NDST3: variants seen among roughly 807,000 people sequenced by gnomAD.
NDST3 encodes bifunctional heparan sulfate N-deacetylase/N-sulfotransferase 3.
In NDST3, 58 loss-of-function variants were observed where a neutral mutation model predicts 96.1. The ratio of observed to expected loss-of-function variants is 0.60; its 90% CI spans 0.49 to 0.75. NDST3 has a LOEUF of 0.75. Among genes scored for constraint, NDST3 ranks in the 30% least tolerant of loss-of-function variants. The probability of loss-of-function intolerance (pLI) is 0.00; values close to 1 mark genes in which losing one functional copy is unlikely to be tolerated. For synonymous variants in NDST3, 333 were observed against 359.7 expected, an observed-to-expected ratio of 0.93 and a Z score of 0.84; for missense variants, 788 against 1,034.2, an observed-to-expected ratio of 0.76 and a Z score of 3.27.
At chr4:118,251,280 C>T (rs1741715628) in intron 12 of NDST3, among the ~76,000 whole-genome samples, 1 of 151,140 alleles carries the variant, frequency 6.6e-6, no homozygotes, top group African/African-American at 2.4e-5. Flanking sequence ...GCGCCTGCCA[C>T]CACGCCCGGC....
intron 4 of NDST3, among the ~76,000 whole-genome samples, chr4:118,134,001 T>G (rs530713098): frequency 6.6e-6 from 1 of 152,356 alleles, no homozygotes; most frequent in South Asian, 2.1e-4. Context: ...AACTGTGCTG[T>G]GTACTATGAA....
intron 12 of NDST3, among the ~76,000 whole-genome samples, chr4:118,247,382 G>C (rs565454330): frequency 6.6e-6 from 1 of 151,966 alleles, no homozygotes; most frequent in African/African-American, 2.4e-5. Flanking sequence ...TGAAACCCCA[G>C]TTCTACTAAA....
intron 6 of NDST3, among the ~76,000 whole-genome samples, chr4:118,209,866 C>T (rs1040354495): frequency 1.3e-5 from 2 of 152,068 alleles, no homozygotes; most frequent in Non-Finnish European, 2.9e-5. Flanking sequence ...GACTAAGGCA[C>T]GAGCCAGGTA....
chr4:118,085,602 G>T (rs1437664104), intron 2 of NDST3, among the ~76,000 whole-genome samples: 1 of 152,056 alleles, frequency 6.6e-6, no homozygotes, highest in East Asian at 1.9e-4. Flanking sequence ...TCCAACCCTT[G>T]TTCAAGTTGA....
chr4:118,066,218 A>AT (rs1560617831), intron 2 of NDST3, among the ~76,000 whole-genome samples: 1 of 62,856 alleles, frequency 1.6e-5, no homozygotes, highest in African/African-American at 7.0e-5. Flanking sequence ...TATTATACAT[A>AT]ATATATTATA....
intron 4 of NDST3, among the ~76,000 whole-genome samples, chr4:118,136,901 T>G (rs1733147496): frequency 6.6e-6 from 1 of 152,182 alleles, no homozygotes; most frequent in Non-Finnish European, 1.5e-5. Context: ...GGACCAAATT[T>G]TGAGGGCCTT....
Position 118,096,514 on chromosome 4 carries a change from C to T in NDST3, c.982-8504C>T, listed in dbSNP as rs572786040. Among the ~76,000 whole-genome samples the T allele has an allele frequency of 2.6e-5, 4 of 151,792 alleles. No homozygotes were observed. The East Asian group carries it at 7.8e-4, about 30-fold the overall frequency. On this transcript the variant is annotated intron_variant, in intron 2 of 13. Transcript: ENST00000296499. ...AAATTAATAAAAATATAAAGCTAAA[C>T]TTTAGAAGCTAAAATTCTGTTGCAT...
intron 2 of NDST3, among the ~76,000 whole-genome samples, chr4:118,058,166 A>G (rs931364363): frequency 2.0e-5 from 3 of 152,024 alleles, no homozygotes; most frequent in Non-Finnish European, 2.9e-5. Context: ...CAAAAGTTAC[A>G]TAAACTGTTA....
chr4:118,210,371 C>T (rs1387053974), intron 6 of NDST3, among the ~76,000 whole-genome samples: 1 of 152,100 alleles, frequency 6.6e-6, no homozygotes, highest in Non-Finnish European at 1.5e-5. Context: ...GAAGAAATAA[C>T]CACATATAAG....
chr4:118,208,328 G>T, intron 6 of NDST3, among the ~76,000 whole-genome samples: 1 of 143,830 alleles, frequency 7.0e-6, no homozygotes. Flanking sequence ...TTTGGCAGTA[G>T]GTGTCCTCTA....
intron 6 of NDST3, among the ~76,000 whole-genome samples, chr4:118,222,530 G>A (rs776073142): frequency 7.2e-4 from 109 of 152,050 alleles, no homozygotes; most frequent in Non-Finnish European, 9.7e-4. Context: ...GGTGACATGC[G>A]TTACAAAAAC....
intron 11 of NDST3, 40 bp from the exon 12 acceptor site, chr4:118,241,999 AT>A (rs1442777984): frequency 7.1e-7 from 1 of 1,399,272 alleles, no homozygotes; most frequent in Non-Finnish European, 1.0e-6. Context: ...TACAGTTTAC[AT>A]GTCTTTTTTC....
intron 6 of NDST3, among the ~76,000 whole-genome samples, chr4:118,200,558 C>T (rs1450412499): frequency 6.6e-6 from 1 of 152,154 alleles, no homozygotes; most frequent in Non-Finnish European, 1.5e-5. Flanking sequence ...TAGGGCCTAC[C>T]TTATATAAAC....
chr4:118,197,845 G>A (rs771617513), intron 6 of NDST3, among the ~76,000 whole-genome samples: 4 of 146,688 alleles, frequency 2.7e-5, no homozygotes, highest in Non-Finnish European at 6.0e-5. Flanking sequence ...CTGTCACCAG[G>A]CTGGAGTACG....
At chr4:118,124,323 T>C (rs1228317671) in intron 4 of NDST3, among the ~76,000 whole-genome samples, 1 of 152,092 alleles carries the variant, frequency 6.6e-6, no homozygotes, top group Non-Finnish European at 1.5e-5. Context: ...TAGTTTACCT[T>C]GGTTTTTTTG....
At chr4:118,192,708 T>C (rs1158678032) in intron 6 of NDST3, among the ~76,000 whole-genome samples, 1 of 148,854 alleles carries the variant, frequency 6.7e-6, no homozygotes, top group East Asian at 1.9e-4. Context: ...ATTTGTTTTT[T>C]GTGGGTTTTT....
chr4:118,193,052 C>G (rs1737416005), intron 6 of NDST3, among the ~76,000 whole-genome samples: 1 of 152,144 alleles, frequency 6.6e-6, no homozygotes, highest in Admixed American at 6.5e-5. Context: ...GTCTCCTTCT[C>G]CACCCTGGGT....
intron 2 of NDST3, among the ~76,000 whole-genome samples, chr4:118,097,185 T>C (rs370957128): frequency 6.6e-6 from 1 of 151,938 alleles, no homozygotes; most frequent in East Asian, 1.9e-4. Flanking sequence ...CAAGTTCTCA[T>C]GTAATGTTAA....
At chr4:118,039,074 T>C (rs1312179098) in intron 1 of NDST3, among the ~76,000 whole-genome samples, 2 of 152,338 alleles carry the variant, frequency 1.3e-5, no homozygotes, top group Middle Eastern at 3.4e-3. Context: ...CTGCCTTTTG[T>C]TAATGGTAAA....
Sources: allele counts gnomAD v4.1 joint callset (sites outside exome capture counted in the v4.1 genomes callset), GRCh38; gene constraint gnomAD v4.1.1; transcripts MANE v1.5; gene names NCBI Gene and HGNC (gene_info 2026-07-23, HGNC 2026-07-21).